PCDHA3: variants seen among roughly 807,000 people sequenced by gnomAD.
PCDHA3 encodes the protein protocadherin alpha 3, also known as protocadherin alpha-3.
Under a neutral mutation model 62.2 loss-of-function variants are expected in PCDHA3, and 41 were observed. That is an observed-to-expected ratio of 0.66 (90% CI 0.51 to 0.86). The LOEUF (loss-of-function observed/expected upper bound fraction) is 0.86. PCDHA3 is among the 40% of genes least tolerant of loss of function. The probability of loss-of-function intolerance (pLI) is 0.00; values close to 1 mark genes in which losing one functional copy is unlikely to be tolerated. For synonymous variants in PCDHA3, 640 were observed against 555.4 expected (o/e 1.15, Z -2.14); for missense variants, 1,304 against 1,241.2 (o/e 1.05, Z -0.76).
intron 3 of PCDHA3, among the ~76,000 whole-genome samples, chr5:140,992,758 G>T (rs1160312796): frequency 6.6e-6 from 1 of 152,182 alleles, no homozygotes; most frequent in Non-Finnish European, 1.5e-5. Flanking sequence ...CTGTGTTGGG[G>T]ATAGGAGGGT....
rs565763627 is a variant in PCDHA3, at chr5:140,989,336, C to G, written c.2542+6773C>G. ...GTCTCACCAACTTTGCCACCTGACT[C>G]AGCTCAAAGGTGATAGGTCACCTGT... is the stretch of plus-strand genomic sequence containing the variant. On this transcript the variant is annotated intron_variant, in intron 3 of 3. Transcript: ENST00000522353. Among the ~76,000 whole-genome samples, 6 of 152,272 alleles carry G rather than the reference C, an allele frequency of 3.9e-5. 1 individual carries two copies. In the South Asian group the frequency reaches 1.0e-3, roughly 26 times the overall value.
intron 1 of PCDHA3, chr5:140,828,048 A>C: frequency 6.5e-7 from 1 of 1,544,030 alleles, no homozygotes; most frequent in Non-Finnish European, 8.7e-7. Flanking sequence ...TTTTATCTTT[A>C]TGCGGAAGAT....
At position 140,802,258 on chromosome 5, in the gene PCDHA3, C is replaced by G. The variant is rs782045341; in HGVS notation, c.1061C>G (p.Ser354Ter). Residue 354 changes from serine (S) to a stop codon, truncating the protein, a stop_gained, in exon 1 of 4, where the codon TCA (serine) becomes TGA (stop). Transcript: ENST00000522353. LOFTEE classifies it high-confidence loss of function. ...NDNVPELVIQ[S>*]LSLPVLEDSP... is the part of the protein sequence containing the mutation. The stretch of plus-strand genomic sequence containing the variant: ...AATGTACCTGAGTTAGTTATTCAAT[C>G]ACTATCTTTACCTGTATTAGAAGAC... 1.3e-5 allele frequency: 21 copies of G among 1,614,120 alleles called. No homozygotes were observed. The highest frequency in any genetic ancestry group is 1.3e-5 in the Non-Finnish European group (15 of 1,180,046).
rs563652109 is a variant in PCDHA3 at position 140,884,316 on chromosome 5, C to G, written c.2394+80725C>G. 26 of 1,613,752 alleles carry G rather than the reference C, an allele frequency of 1.6e-5. 2 individuals carry two copies. The South Asian group carries it at 2.5e-4, about 16-fold the overall frequency. On this transcript the variant is annotated intron_variant, in intron 1 of 3. Transcript: ENST00000522353. ...GCGCCACAGGCTTCGTCGAGGGCGT[C>G]GGCAGGCGCTGTGGGTCCAGAAGCG...
rs868965340 is a variant in PCDHA3, at chr5:141,007,276, G to A, written c.2543-2351G>A. On this transcript the variant is annotated intron_variant, in intron 3 of 3. Transcript: ENST00000522353. ...TAAAAGAAGCAGATACAGGCTGGGT[G>A]CAGTGGGCTCATGCCTGTAATCTTA... Among the ~76,000 whole-genome samples the A allele has an allele frequency of 3.3e-5, 5 of 151,858 alleles. No homozygotes were observed. In the South Asian group the frequency reaches 8.3e-4, roughly 25 times the overall value.
chr5:140,826,128 G>C (rs181129718), intron 1 of PCDHA3, among the ~76,000 whole-genome samples: 1 of 152,208 alleles, frequency 6.6e-6, no homozygotes, highest in East Asian at 1.9e-4. Flanking sequence ...AATATCCTGA[G>C]CTACTTTGAG....
chr5:140,818,181 C>T (rs1183209623), intron 1 of PCDHA3, among the ~76,000 whole-genome samples: 2 of 152,214 alleles, frequency 1.3e-5, no homozygotes, highest in Admixed American at 6.5e-5. Context: ...TTATATTCTT[C>T]TGTGACTATA....
chr5:140,907,235 T>C, intron 1 of PCDHA3, among the ~76,000 whole-genome samples: 1 of 152,234 alleles, frequency 6.6e-6, no homozygotes, highest in East Asian at 1.9e-4. Context: ...TGTCACCTAG[T>C]TGACATTGTA....
At chr5:140,964,634 T>C (rs2095845045) in intron 1 of PCDHA3, among the ~76,000 whole-genome samples, 1 of 151,918 alleles carries the variant, frequency 6.6e-6, no homozygotes, top group Non-Finnish European at 1.5e-5. Flanking sequence ...AGCCATTTAT[T>C]TTCAGAAACA....
intron 1 of PCDHA3, chr5:140,805,152 T>G: frequency 6.4e-7 from 1 of 1,561,178 alleles, no homozygotes; most frequent in Non-Finnish European, 8.6e-7. Flanking sequence ...TTTGGAATTT[T>G]CACTTCACAG....
intron 1 of PCDHA3, chr5:140,870,875 C>T (rs1235290760): frequency 3.7e-6 from 6 of 1,613,912 alleles, no homozygotes; most frequent in Non-Finnish European, 5.1e-6. Context: ...CACGTGGTGG[C>T]GAAGGTGCGC....
intron 3 of PCDHA3, among the ~76,000 whole-genome samples, chr5:140,990,307 A>C (rs1409511282): frequency 2.6e-5 from 4 of 152,132 alleles, no homozygotes; most frequent in Non-Finnish European, 5.9e-5. Flanking sequence ...TGTCTGTAAA[A>C]AACCAACCAA....
intron 1 of PCDHA3, among the ~76,000 whole-genome samples, chr5:140,827,368 A>C (rs1554130769): frequency 6.6e-6 from 1 of 152,204 alleles, no homozygotes; most frequent in Non-Finnish European, 1.5e-5. Context: ...TTAAGCAAGA[A>C]TCCTAATATA....
rs782344407 is a variant in PCDHA3 at position 140,928,808 on chromosome 5, G to T, written c.2395-50141G>T. 3.7e-6 allele frequency: 6 copies of T among 1,614,062 alleles called. No homozygotes were observed. In the Admixed American group the frequency reaches 1.0e-4, roughly 27 times the overall value. The stretch of plus-strand genomic sequence containing the variant: ...AAGCAGAGGGTGGTGGTAGTGGTTC[G>T]GGACCATGGAGACCCACCACTTTCC... On this transcript the variant is annotated intron_variant, in intron 1 of 3. Coordinates refer to ENST00000522353, the MANE Select transcript of PCDHA3 (RefSeq NM_018906.3).
intron 1 of PCDHA3, chr5:140,882,209 A>G (rs781846726): frequency 5.2e-6 from 8 of 1,531,724 alleles, no homozygotes; most frequent in Non-Finnish European, 7.0e-6. Context: ...GCCTTGAGAG[A>G]CAGTTTGAGG....
In PCDHA3 at chr5:140,808,762, C is replaced by A. The variant is rs150405058; in HGVS notation, c.2394+5171C>A. ...TGTACGCGCTGCAGCCGCTGGACCACGAGGAGCTAGAGCTGCTGCAGTTTC... is the reference window on the plus strand; with the variant it reads ...TGTACGCGCTGCAGCCGCTGGACCAAGAGGAGCTAGAGCTGCTGCAGTTTC... On this transcript the variant is annotated intron_variant, in intron 1 of 3. Transcript: ENST00000522353. The A allele has an allele frequency of 1.4e-5, 22 of 1,612,106 alleles. No homozygotes were observed. Among genetic ancestry groups the A allele is most frequent in the Middle Eastern group, 2.1e-4 (1 of 4,852 alleles).
chr5:140,978,865 A>G, intron 1 of PCDHA3, 84 bp from the exon 2 acceptor site: 1 of 1,602,026 alleles, frequency 6.2e-7, no homozygotes, highest in South Asian at 1.1e-5. Flanking sequence ...GAAATATTTA[A>G]GGGAGTAACT....
Position 141,010,230 on chromosome 5 carries a change from C to T in PCDHA3, c.*293C>T. The T allele has an allele frequency of 1.3e-6, 2 of 1,551,936 alleles. No homozygotes were observed. Among genetic ancestry groups the T allele is most frequent in the African/African-American group, 1.4e-5 (1 of 73,162 alleles). Reference sequence around the variant, plus strand: ...GCAAAGGAGAGGCTTCCCAGCCCCGCCAGTGAGAGGTTGGACTCTCTGCCC... The same window carrying T: ...GCAAAGGAGAGGCTTCCCAGCCCCGTCAGTGAGAGGTTGGACTCTCTGCCC... On this transcript the variant is annotated 3_prime_UTR_variant, in exon 4 of 4. Transcript: ENST00000522353.
At position 140,853,383 on chromosome 5, in the gene PCDHA3, A is replaced by T. The variant is rs2150531366; in HGVS notation, c.2394+49792A>T. ...GGATCCAGAGATGGTAAAATTCAAAACAGCCTGTCAAGTTCAAAACAGAGA... is the reference window on the plus strand; with the variant it reads ...GGATCCAGAGATGGTAAAATTCAAATCAGCCTGTCAAGTTCAAAACAGAGA... On this transcript the variant is annotated intron_variant, in intron 1 of 3. Transcript: ENST00000522353. 4 of 985,712 alleles carry T rather than the reference A, an allele frequency of 4.1e-6. No homozygotes were observed. In the Admixed American group the frequency reaches 1.9e-4, roughly 47 times the overall value. The allele number at this position is 985,712 out of a possible 1,614,324, so 61.1% of individuals were successfully genotyped here.
Sources: gnomAD v4.1 joint callset for allele counts (sites outside exome capture counted in the v4.1 genomes callset) on GRCh38, gnomAD v4.1.1 for gene constraint, MANE v1.5 for transcripts, NCBI Gene and HGNC (gene_info 2026-07-23, HGNC 2026-07-21) for gene names.